The following COL10A1 variants were observed in gnomAD, a reference collection of about 807,000 sequenced individuals.
COL10A1 encodes the protein collagen alpha-1(X) chain.
COL10A1 carries 10 observed loss-of-function variants against 18.2 expected under a neutral mutation model. The observed-to-expected ratio is 0.55, with a 90% CI of 0.34 to 0.93. The LOEUF (loss-of-function observed/expected upper bound fraction) is 0.93, where lower values mean the gene tolerates loss of function less well. Among genes scored for constraint, COL10A1 ranks in the 40% least tolerant of loss-of-function variants. The pLI, the probability that COL10A1 is intolerant of heterozygous loss-of-function variation, is 0.02. For missense variants in COL10A1, 897 were observed against 853.5 expected, an observed-to-expected ratio of 1.05 and a Z score of -0.64; for synonymous variants, 330 against 316.6, an observed-to-expected ratio of 1.04 and a Z score of -0.45.
rs1321176841 is a variant in COL10A1, at chr6:116,120,913, AC to A, written c.1202del (p.Gly401ValfsTer80). On this transcript the variant is annotated frameshift_variant, in exon 3 of 3. Coordinates refer to ENST00000651968, the MANE Select transcript of COL10A1 (RefSeq NM_000493.4). LOFTEE classifies it low-confidence loss of function (END_TRUNC). ...PGKPGLDGPK[G>X]NPGLPGPKGD... ...CTTTTGGACCTGGTAACCCTGGGTT[AC>A]CCTTAGGACCATCGAGACCTGGTTT... 6.2e-7 allele frequency: 1 copy of A among 1,613,440 alleles called. No individual in the cohort carries two copies. Among genetic ancestry groups the A allele is most frequent in the Non-Finnish European group, 8.5e-7 (1 of 1,179,774 alleles).
chr6:116,192,518 T>A, the COL10A1 span, among the ~76,000 whole-genome samples: 1 of 152,054 alleles, frequency 6.6e-6, no homozygotes, highest in Non-Finnish European at 1.5e-5. Context: ...GGATTCTGTG[T>A]TTCTGTTAAG....
chr6:116,129,589 C>T (rs1029110004), upstream of COL10A1, among the ~76,000 whole-genome samples: 3 of 152,188 alleles, frequency 2.0e-5, no homozygotes, highest in Non-Finnish European at 4.4e-5. Context: ...TTCTGCCATG[C>T]GATACTACAG....
In COL10A1 at chr6:116,124,401, C is replaced by A. The variant is rs1779230498; in HGVS notation, c.154+938G>T. Among the ~76,000 whole-genome samples the A allele has an allele frequency of 2.6e-5, 4 of 152,156 alleles. No individual in the cohort carries two copies. The South Asian group carries it at 8.3e-4, about 32-fold the overall frequency. On this transcript the variant is annotated intron_variant, in intron 2 of 2. Coordinates refer to ENST00000651968, the MANE Select transcript of COL10A1 (RefSeq NM_000493.4). ...TTAAATAAAATTAGTGAATATGAGG[C>A]CTAGAAGTTGCCCTCCTTTGAGAAC...
chr6:116,188,433 G>A, the COL10A1 span, among the ~76,000 whole-genome samples: 2 of 151,996 alleles, frequency 1.3e-5, no homozygotes, highest in African/African-American at 4.8e-5. Flanking sequence ...GCTATGCAGT[G>A]TGTCATACAG....
chr6:116,138,068 ACT>A, intron 1 of COL10A1, among the ~76,000 whole-genome samples: 1 of 151,900 alleles, frequency 6.6e-6, no homozygotes, highest in East Asian at 1.9e-4. Context: ...ACAGAGTGAG[ACT>A]CTGCTCAAAA....
chr6:116,170,424 A>AT, the COL10A1 span, among the ~76,000 whole-genome samples: 1 of 151,952 alleles, frequency 6.6e-6, no homozygotes, highest in South Asian at 2.1e-4. Context: ...GCCACCATTT[A>AT]TTTTTTCCAA....
At chr6:116,213,716 G>A in the COL10A1 span, among the ~76,000 whole-genome samples, 1 of 151,876 alleles carries the variant, frequency 6.6e-6, no homozygotes, top group Non-Finnish European at 1.5e-5. Context: ...ATTATAATGA[G>A]CTACTAAAAA....
At chr6:116,177,339 A>T in the COL10A1 span, among the ~76,000 whole-genome samples, 1 of 152,152 alleles carries the variant, frequency 6.6e-6, no homozygotes, top group Non-Finnish European at 1.5e-5. Context: ...AACTTGATAG[A>T]ATATATCCAA....
At position 116,119,940 on chromosome 6, in the gene COL10A1, G is replaced by C. The variant is rs185306056; in HGVS notation, c.*133C>G. On this transcript the variant is annotated 3_prime_UTR_variant, in exon 3 of 3. Transcript: ENST00000651968. ...TTTCAGGGGGAAGGTTTGTTGGTCT[G>C]ATAGCTCAAATCTGTATTTCAGAAA... is the stretch of plus-strand genomic sequence containing the variant. 1.1e-6 allele frequency: 1 copy of C among 874,584 alleles called. No homozygotes were observed. Among genetic ancestry groups the C allele is most frequent in the East Asian group, 2.4e-5 (1 of 41,266 alleles). 54.2% of individuals were successfully genotyped at this position (874,584 alleles called of 1,614,324 possible). A position where few individuals can be genotyped will look rare whatever the true frequency, so the allele number is the denominator to read the frequency against.
the COL10A1 span, among the ~76,000 whole-genome samples, chr6:116,168,605 C>T: frequency 8.6e-5 from 13 of 151,972 alleles, no homozygotes; most frequent in South Asian, 2.1e-4. Context: ...CTGGTTCTGT[C>T]GTGTATTTTC....
chr6:116,171,541 A>G, the COL10A1 span, among the ~76,000 whole-genome samples: 1 of 152,342 alleles, frequency 6.6e-6, no homozygotes, highest in Non-Finnish European at 1.5e-5. Flanking sequence ...ATGTCATATA[A>G]CTTGAGAGCC....
intron 1 of COL10A1, among the ~76,000 whole-genome samples, chr6:116,157,350 G>T (rs975899631): frequency 7.9e-5 from 12 of 152,174 alleles, no homozygotes; most frequent in Non-Finnish European, 1.6e-4. Flanking sequence ...ACAAGTAACT[G>T]TATGGACTTC....
the COL10A1 span, among the ~76,000 whole-genome samples, chr6:116,203,873 T>C: frequency 6.6e-6 from 1 of 151,972 alleles, no homozygotes; most frequent in Non-Finnish European, 1.5e-5. Flanking sequence ...GTACTTGATG[T>C]TGTCAGAAAT....
chr6:116,211,762 G>A, the COL10A1 span, among the ~76,000 whole-genome samples: 1 of 151,998 alleles, frequency 6.6e-6, no homozygotes, highest in African/African-American at 2.4e-5. Flanking sequence ...CTATAACAAA[G>A]GGAGGGATAT....
intron 1 of COL10A1, among the ~76,000 whole-genome samples, chr6:116,154,926 A>G (rs1359259427): frequency 6.6e-6 from 1 of 152,230 alleles, no homozygotes; most frequent in Non-Finnish European, 1.5e-5. Flanking sequence ...AACATCATTT[A>G]GGAGTTTAAA....
chr6:116,122,232 C>T (rs1024891628), intron 2 of COL10A1, among the ~76,000 whole-genome samples: 1 of 152,124 alleles, frequency 6.6e-6, no homozygotes, highest in African/African-American at 2.4e-5. Flanking sequence ...TGAAGAATTC[C>T]TCTAGAATAA....
In COL10A1 at chr6:116,120,575, C is replaced by T. The variant is rs757679747; in HGVS notation, c.1541G>A (p.Gly514Asp). 2 of 1,601,504 alleles carry T rather than the reference C, an allele frequency of 1.2e-6. No homozygotes were observed. The highest frequency in any genetic ancestry group is 3.4e-4 in the Middle Eastern group (2 of 5,890). ...AGGCATGACTGCTTGACCTGGTGGG[C>T]CTGGAGGCCCAGGGGGCCCTGGAAG... ...PGLPGPPGPP[G>D]PPGQAVMPEG... The change falls in exon 3 of 3, where the codon GGC becomes GAC. Residue 514 changes from glycine to aspartate, a missense_variant. By Grantham distance (94) the Gly-to-Asp change is moderately conservative. Transcript: ENST00000651968.
upstream of COL10A1, among the ~76,000 whole-genome samples, chr6:116,127,248 T>G (rs1288677396): frequency 3.3e-5 from 5 of 152,250 alleles, no homozygotes; most frequent in East Asian, 5.8e-4. Context: ...GATTTGTCCT[T>G]TTTCTTTTCC....
the COL10A1 span, among the ~76,000 whole-genome samples, chr6:116,182,303 G>T: frequency 6.6e-6 from 1 of 151,194 alleles, no homozygotes; most frequent in Non-Finnish European, 1.5e-5. Flanking sequence ...GAACATTTGG[G>T]CTGGTTCCAC....
Sources: gnomAD v4.1 joint callset for allele counts (sites outside exome capture counted in the v4.1 genomes callset) on GRCh38, gnomAD v4.1.1 for gene constraint, MANE v1.5 for transcripts, NCBI Gene and HGNC (gene_info 2026-07-23, HGNC 2026-07-21) for gene names.